The following MYO9B variants were observed in gnomAD, a reference collection of about 807,000 sequenced individuals.
MYO9B encodes unconventional myosin-IXb.
MYO9B carries 71 observed loss-of-function variants against 229.5 expected under a neutral mutation model. The observed-to-expected ratio is 0.31, with a 90% CI of 0.26 to 0.38. The LOEUF (loss-of-function observed/expected upper bound fraction) is 0.38. Among genes scored for constraint, MYO9B ranks in the 10% least tolerant of loss-of-function variants. The probability of loss-of-function intolerance (pLI) is 1.00; values close to 1 mark genes in which losing one functional copy is unlikely to be tolerated. For missense variants in MYO9B, 2,255 were observed against 2,920.5 expected, an observed-to-expected ratio of 0.77 and a Z score of 5.25; for synonymous variants, 1,185 against 1,235.8, an observed-to-expected ratio of 0.96 and a Z score of 0.86.
chr19:17,090,207 A>C (rs545799522), intron 1 of MYO9B, among the ~76,000 whole-genome samples: 1 of 128,118 alleles, frequency 7.8e-6, no homozygotes, highest in South Asian at 2.4e-4. Context: ...GCAGTGGCAC[A>C]ATCTTGGTTC....
chr19:17,178,925 G>A (rs1008653258), intron 14 of MYO9B, among the ~76,000 whole-genome samples: 4 of 151,720 alleles, frequency 2.6e-5, no homozygotes, highest in African/African-American at 4.8e-5. Context: ...TAGCTACTGG[G>A]GAGGCTGAGG....
intron 2 of MYO9B, among the ~76,000 whole-genome samples, chr19:17,124,734 T>G (rs2057998428): frequency 7.4e-6 from 1 of 134,394 alleles, no homozygotes; most frequent in African/African-American, 2.9e-5. Flanking sequence ...CACTCCAGCC[T>G]GGGCAACAGA....
intron 3 of MYO9B, among the ~76,000 whole-genome samples, chr19:17,146,783 C>T (rs966944676): frequency 6.6e-6 from 1 of 152,078 alleles, no homozygotes; most frequent in Non-Finnish European, 1.5e-5. Context: ...ACTTAGATGG[C>T]ATCTGAGAGG....
At chr19:17,084,721 A>T (rs576222044) in intron 1 of MYO9B, among the ~76,000 whole-genome samples, 2 of 151,722 alleles carry the variant, frequency 1.3e-5, no homozygotes, top group Non-Finnish European at 2.9e-5. Context: ...AAAAAAAAAA[A>T]AAAGAAAAAA....
Position 17,198,316 on chromosome 19 carries a change from T to C in MYO9B, c.4238+8T>C, listed in dbSNP as rs760737037. ...CTCTCAGGTCGACTCTAAGTAAGTA[T>C]TGGGCTTGGGGGAAACTCAGGCCAC... is the stretch of plus-strand genomic sequence containing the variant. On this transcript the variant is annotated splice_region_variant and intron_variant, in intron 24 of 39. Coordinates refer to ENST00000682292, the MANE Select transcript of MYO9B (RefSeq NM_004145.4). The C allele has an allele frequency of 2.7e-5, 44 of 1,613,372 alleles. No homozygotes were observed. Among genetic ancestry groups the C allele is most frequent in the Non-Finnish European group, 3.5e-5 (41 of 1,179,756 alleles).
In MYO9B at chr19:17,121,910, C is replaced by T. The variant is rs562481661; in HGVS notation, c.840+19353C>T. On this transcript the variant is annotated intron_variant, in intron 2 of 39. Transcript: ENST00000682292. ...CTGAGCCAGGAGAATCATTTGAGCC[C>T]GGGAGTTGGAGGTTGTGTTGAGCCA... Among the ~76,000 whole-genome samples the T allele has an allele frequency of 7.1e-3, 1,079 of 151,772 alleles. 3 individuals are homozygous for T. The highest frequency in any genetic ancestry group is 0.012 in the Non-Finnish European group (845 of 67,938).
intron 2 of MYO9B, among the ~76,000 whole-genome samples, chr19:17,117,902 C>T (rs996181812): frequency 7.1e-6 from 1 of 140,174 alleles, no homozygotes; most frequent in African/African-American, 2.6e-5. Context: ...CATGCCACTG[C>T]ACTCCAGCCT....
chr19:17,135,892 A>G (rs34188992), intron 2 of MYO9B, among the ~76,000 whole-genome samples: 30,820 of 151,934 alleles, frequency 0.2, 3,696 homozygotes, highest in African/African-American at 0.33. Flanking sequence ...TTTAAGGTAC[A>G]AATGTACATT....
chr19:17,095,060 G>C (rs759337252), intron 1 of MYO9B, among the ~76,000 whole-genome samples: 1 of 152,158 alleles, frequency 6.6e-6, no homozygotes, highest in African/African-American at 2.4e-5. Flanking sequence ...CCAACATGGC[G>C]AAACTCTGTC....
At chr19:17,199,680 A>AT (rs929396591) in intron 24 of MYO9B, among the ~76,000 whole-genome samples, 23 of 109,668 alleles carry the variant, frequency 2.1e-4, no homozygotes, top group Admixed American at 3.1e-4. Flanking sequence ...TGCCCAGCTA[A>AT]TTTTTTTTTC....
intron 15 of MYO9B, among the ~76,000 whole-genome samples, chr19:17,182,888 C>G (rs559955208): frequency 6.6e-6 from 1 of 152,128 alleles, no homozygotes; most frequent in Non-Finnish European, 1.5e-5. Flanking sequence ...CAGGAGCTAT[C>G]CCCTTCCTTA....
chr19:17,191,427 C>A (rs1271495917), intron 20 of MYO9B, among the ~76,000 whole-genome samples: 1 of 152,230 alleles, frequency 6.6e-6, no homozygotes, highest in Middle Eastern at 3.4e-3. Flanking sequence ...CAGGGCTCAG[C>A]GACTCCCTCC....
chr19:17,210,213 T>C, intron 36 of MYO9B, 120 bp from the exon 37 acceptor site: 2 of 1,018,400 alleles, frequency 2.0e-6, no homozygotes, highest in Non-Finnish European at 2.8e-6. Context: ...GGGAACGGGC[T>C]CTGGGCTCCT....
At chr19:17,167,468 G>A (rs1383255464) in intron 10 of MYO9B, among the ~76,000 whole-genome samples, 1 of 141,376 alleles carries the variant, frequency 7.1e-6, no homozygotes, top group African/African-American at 2.8e-5. Context: ...TGTATTATTA[G>A]AGCTATTTTT....
Position 17,206,108 on chromosome 19 carries a change from G to T in MYO9B, c.5213G>T (p.Gly1738Val). ...ACCGAGGGCCTCTACCGCAAGTCGGGTGCTGCCAACCGCACTCGGGAGCTC... is the reference window on the plus strand; with the variant it reads ...ACCGAGGGCCTCTACCGCAAGTCGGTTGCTGCCAACCGCACTCGGGAGCTC... ...LYTEGLYRKS[G>V]AANRTRELRQ... The change falls in exon 32 of 40, where the codon GGT (glycine) becomes GTT (valine). Residue 1738 changes from glycine (G) to valine (V), a missense_variant. This residue lies in a region of MYO9B where 416 missense variants were observed against 605.5 expected (regional missense o/e 0.69). Transcript: ENST00000682292. 3 of 1,607,204 alleles carry T rather than the reference G, an allele frequency of 1.9e-6. No individual in the cohort carries two copies. Among genetic ancestry groups the T allele is most frequent in the Non-Finnish European group, 2.6e-6 (3 of 1,175,304 alleles).
chr19:17,145,522 G>A (rs1290595615), intron 3 of MYO9B, 31 bp downstream of exon 3: 28 of 1,577,438 alleles, frequency 1.8e-5, no homozygotes, highest in Non-Finnish European at 2.4e-5. Flanking sequence ...CCACTGGTGG[G>A]AGCTGGCCCC....
chr19:17,159,273 G>A (rs2145301375), intron 7 of MYO9B, 122 bp from the exon 8 acceptor site: 1 of 843,124 alleles, frequency 1.2e-6, no homozygotes, highest in African/African-American at 1.7e-5. Flanking sequence ...TTCTAGGCCT[G>A]GCTGCTGGGG....
chr19:17,188,446 A>AG lies in MYO9B; in HGVS notation c.2688+401_2688+402insG, dbSNP rs1275893113. Among the ~76,000 whole-genome samples, 58 of 147,280 alleles carry AG rather than the reference A, an allele frequency of 3.9e-4. No individual in the cohort carries two copies. The East Asian group carries it at 4.4e-3, about 11-fold the overall frequency. ...TCCATCTCAAAAAAAAAAAAAAAAA[A>AG]AAAAGAAGAAACCCCTGCCTCATGC... On this transcript the variant is annotated intron_variant, in intron 19 of 39. Transcript: ENST00000682292.
At chr19:17,091,901 G>C (rs1457767071) in intron 1 of MYO9B, among the ~76,000 whole-genome samples, 2 of 152,170 alleles carry the variant, frequency 1.3e-5, no homozygotes, top group Non-Finnish European at 2.9e-5. Flanking sequence ...TGAGAGTGGG[G>C]TTTCCTGAGA....
Sources: allele counts gnomAD v4.1 joint callset (sites outside exome capture counted in the v4.1 genomes callset), GRCh38; gene constraint gnomAD v4.1.1; regional missense constraint gnomAD v4.1.1; transcripts MANE v1.5; gene names NCBI Gene and HGNC (gene_info 2026-07-23, HGNC 2026-07-21).